Variants in TOMM70 observed in about 807,000 individuals in gnomAD.
The protein encoded by TOMM70 is translocase of outer mitochondrial membrane 70, also known as mitochondrial import receptor subunit TOM70.
Under a neutral mutation model 73.6 loss-of-function variants are expected in TOMM70, and 13 were observed. The ratio of observed to expected loss-of-function variants is 0.18; its 90% CI spans 0.11 to 0.28. The LOEUF is 0.28. TOMM70 is among the 10% of genes least tolerant of loss of function. The pLI is 1.00. For synonymous variants in TOMM70, 257 were observed against 271.2 expected (o/e 0.95, Z 0.51); for missense variants, 609 against 747.5 (o/e 0.81, Z 2.16).
At chr3:100,386,729 T>C (rs904203432) in intron 2 of TOMM70, 76 bp downstream of exon 2, 11 of 1,502,420 alleles carry the variant, frequency 7.3e-6, no homozygotes, top group Admixed American at 2.3e-5. Context: ...TTAGGTTTAT[T>C]TGAGTAGCTT....
intron 5 of TOMM70, among the ~76,000 whole-genome samples, chr3:100,380,344 C>CAA (rs60837844): frequency 3.3e-4 from 49 of 146,546 alleles, no homozygotes; most frequent in African/African-American, 1.2e-3. Context: ...ACCTCATTAT[C>CAA]AAAAAAAAAA....
intron 2 of TOMM70, 74 bp downstream of exon 2, chr3:100,386,731 G>T: frequency 6.6e-7 from 1 of 1,504,012 alleles, no homozygotes; most frequent in Non-Finnish European, 9.0e-7. Context: ...AGGTTTATTT[G>T]AGTAGCTTTA....
At position 100,384,517 on chromosome 3, in the gene TOMM70, T is replaced by G. The variant is rs139919828; in HGVS notation, c.697A>C (p.Lys233Gln). Residue 233 changes from lysine to glutamine, a missense_variant, in exon 4 of 12, where the codon AAA becomes CAA. Physicochemically the swap from Lys to Gln is moderately conservative, Grantham distance 53 (BLOSUM62 1). This residue lies in a region of TOMM70 where 432 missense variants were observed against 584.1 expected (regional missense o/e 0.74). Transcript: ENST00000284320. ...TTGGCTTTCTCTTTTCCAAGGAGTT[T>G]AAGAACTTTATCGGCTAACAGCATG... is the stretch of plus-strand genomic sequence containing the variant. ...QSMLLADKVL[K>Q]LLGKEKAKEK... 5 of 1,611,556 alleles carry G rather than the reference T, an allele frequency of 3.1e-6. No homozygotes were observed. The highest frequency in any genetic ancestry group is 4.2e-6 in the Non-Finnish European group (5 of 1,179,210).
rs771750898 is a variant in TOMM70, at chr3:100,386,808, C to T, written c.495G>A (p.Gln165=). The T allele has an allele frequency of 1.6e-4, 252 of 1,613,728 alleles. 1 individual carries two copies. Among genetic ancestry groups the T allele is most frequent in the Non-Finnish European group, 2.1e-4 (244 of 1,179,908 alleles). The change falls in exon 2 of 12, where the codon CAG becomes CAA. Residue 165 remains glutamine (Q), a synonymous_variant. Transcript: ENST00000284320. The stretch of plus-strand genomic sequence containing the variant: ...AGAAACAACCTAGAGTACATACCAA[C>T]TGTTCAAAGGCAGCAGCTCTGTTTT... ...FYQNRAAAFE[Q]LQKWKEVAQD...
chr3:100,394,373 T>TTTTTTTTTTTTTTTGAGATAGAG (rs1706797557), intron 1 of TOMM70, among the ~76,000 whole-genome samples: 1 of 151,840 alleles, frequency 6.6e-6, no homozygotes, highest in African/African-American at 2.4e-5. Flanking sequence ...TTCTTTTTTT[T>TTTTTTTTTTTTTTTGAGATAGAG]TTTTTGAGAT....
At chr3:100,396,867 A>G (rs1426475697) in intron 1 of TOMM70, among the ~76,000 whole-genome samples, 1 of 152,172 alleles carries the variant, frequency 6.6e-6, no homozygotes, top group Admixed American at 6.5e-5. Flanking sequence ...CTTCCTTTAC[A>G]AGTTTTTGCT....
chr3:100,364,312 G>A lies in TOMM70; in HGVS notation c.*1252C>T, dbSNP rs1486421395. 8 of 152,144 alleles carry A rather than the reference G, an allele frequency of 5.3e-5. No individual in the cohort carries two copies. Among genetic ancestry groups the A allele is most frequent in the African/African-American group, 1.4e-4 (6 of 41,434 alleles). 9.4% of individuals were successfully genotyped at this position (152,144 alleles called of 1,614,324 possible). ...ACAAAAAGCACTCTACATGTCCTCA[G>A]CATCTTCAAAAATAAGTGGCTCAAA... On this transcript the variant is annotated 3_prime_UTR_variant, in exon 12 of 12. Coordinates refer to ENST00000284320, the MANE Select transcript of TOMM70 (RefSeq NM_014820.5).
rs1306989616 is a variant in TOMM70, at chr3:100,368,051, C to G, written c.1666G>C (p.Val556Leu). Residue 556 changes from valine (V) to leucine (L), a missense_variant, in exon 11 of 12, where the codon GTA (valine) becomes CTA (leucine). By Grantham distance (32) the Val-to-Leu change is conservative. Coordinates refer to ENST00000284320, the MANE Select transcript of TOMM70 (RefSeq NM_014820.5). ...FAYETMGTIE[V>L]QRGNMEKAID... ...ACAGACTCCAGAAGTTACCTTTGTA[C>G]TTCAATAGTTCCCATGGTTTCATAG... is the stretch of plus-strand genomic sequence containing the variant. 1 of 1,613,196 alleles carries G rather than the reference C, an allele frequency of 6.2e-7. No individual in the cohort carries two copies. The highest frequency in any genetic ancestry group is 1.7e-5 in the Admixed American group (1 of 59,864).
At chr3:100,376,656 A>G (rs1027364294) in intron 6 of TOMM70, among the ~76,000 whole-genome samples, 4 of 151,906 alleles carry the variant, frequency 2.6e-5, no homozygotes, top group South Asian at 2.1e-4. Context: ...CTAAGGTAAC[A>G]AACATTTAGT....
At chr3:100,396,091 C>T (rs572170023) in intron 1 of TOMM70, among the ~76,000 whole-genome samples, 1 of 147,896 alleles carries the variant, frequency 6.8e-6, no homozygotes, top group African/African-American at 2.5e-5. Flanking sequence ...ATTTAGAGCA[C>T]AATATGAAAT....
intron 9 of TOMM70, among the ~76,000 whole-genome samples, chr3:100,370,180 T>C (rs114294465): frequency 0.015 from 2,336 of 152,336 alleles, 28 homozygotes; most frequent in African/African-American, 0.04. Flanking sequence ...AGAAATATTT[T>C]TATAGCTTCC....
At chr3:100,394,510 CTTT>C (rs1706799973) in intron 1 of TOMM70, among the ~76,000 whole-genome samples, 1 of 103,452 alleles carries the variant, frequency 9.7e-6, no homozygotes, top group Non-Finnish European at 2.5e-5. Context: ...TACTTACTTT[CTTT>C]CTTTTTTTGA....
In TOMM70 at chr3:100,383,384, A is replaced by G. The variant is rs144645596; in HGVS notation, c.735+1095T>C. 0.017 allele frequency among the ~76,000 whole-genome samples: 2,541 copies of G among 152,186 alleles called. 246 individuals are homozygous for G. The East Asian group carries it at 0.31, about 18-fold the overall frequency. ...TAAAGTACAAAAAAATTAGCCAGGC[A>G]TAGTGGTGCATGCCTGTAGTCCCAG... On this transcript the variant is annotated intron_variant, in intron 4 of 11. Transcript: ENST00000284320.
At chr3:100,367,783 A>C (rs528445965) in intron 11 of TOMM70, among the ~76,000 whole-genome samples, 7 of 152,360 alleles carry the variant, frequency 4.6e-5, no homozygotes, top group African/African-American at 1.7e-4. Flanking sequence ...TCTGATTTTA[A>C]AGAAAATTCA....
chr3:100,363,991 G>A lies in TOMM70; in HGVS notation c.*1573C>T, dbSNP rs1341584190. ...CAACAGAATTAAGCACCCTTAAGGG[G>A]TGTAAAAATGCTCCTTTACTCCCAA... On this transcript the variant is annotated 3_prime_UTR_variant, in exon 12 of 12. Coordinates refer to ENST00000284320, the MANE Select transcript of TOMM70 (RefSeq NM_014820.5). 1.3e-5 allele frequency: 2 copies of A among 152,266 alleles called. No individual in the cohort carries two copies. The highest frequency in any genetic ancestry group is 1.9e-4 in the East Asian group (1 of 5,178). 9.4% of individuals were successfully genotyped at this position (152,266 alleles called of 1,614,324 possible).
intron 10 of TOMM70, among the ~76,000 whole-genome samples, chr3:100,368,715 C>T (rs1267537495): frequency 1.3e-5 from 2 of 152,056 alleles, no homozygotes; most frequent in Admixed American, 6.6e-5. Context: ...AGCTGGGAAT[C>T]GGGCATGTGC....
At chr3:100,389,602 T>C (rs1468118329) in intron 1 of TOMM70, among the ~76,000 whole-genome samples, 1 of 152,096 alleles carries the variant, frequency 6.6e-6, no homozygotes. Flanking sequence ...GGAAGGTGAA[T>C]ACTAAAAAAT....
At chr3:100,383,160 G>A (rs772969209) in intron 4 of TOMM70, among the ~76,000 whole-genome samples, 48 of 152,180 alleles carry the variant, frequency 3.2e-4, no homozygotes, top group Non-Finnish European at 6.3e-4. Context: ...CTACCATGGT[G>A]TTTTACAAAG....
At position 100,364,477 on chromosome 3, in the gene TOMM70, C is replaced by G. The variant is rs1271325400; in HGVS notation, c.*1087G>C. Reference sequence around the variant, plus strand: ...CGAGAAATTTTAAGCTATTTTAATACTCCCATATATCACACTTACTCTACC... The same window carrying G: ...CGAGAAATTTTAAGCTATTTTAATAGTCCCATATATCACACTTACTCTACC... On this transcript the variant is annotated 3_prime_UTR_variant, in exon 12 of 12. Coordinates refer to ENST00000284320, the MANE Select transcript of TOMM70 (RefSeq NM_014820.5). The G allele has an allele frequency of 6.6e-6, 1 of 152,190 alleles. No individual in the cohort carries two copies. Among genetic ancestry groups the G allele is most frequent in the Non-Finnish European group, 1.5e-5 (1 of 68,042 alleles). 9.4% of individuals were successfully genotyped at this position (152,190 alleles called of 1,614,324 possible).
Sources: gnomAD v4.1 joint callset for allele counts (sites outside exome capture counted in the v4.1 genomes callset) on GRCh38, gnomAD v4.1.1 for gene constraint, gnomAD v4.1.1 regional missense constraint, MANE v1.5 for transcripts, NCBI Gene and HGNC (gene_info 2026-07-23, HGNC 2026-07-21) for gene names.